The following MYOM2 variants were observed in gnomAD, a reference collection of about 807,000 sequenced individuals.
The protein encoded by MYOM2 is myomesin-2.
In MYOM2, 254 loss-of-function variants were observed where a neutral mutation model predicts 187.6. The observed-to-expected ratio is 1.35, with a 90% CI of 1.22 to 1.50. The LOEUF is 1.50. MYOM2 is among the 40% of genes most tolerant of loss of function. MYOM2 has a pLI of 0.00. For synonymous variants in MYOM2, 981 were observed against 753.8 expected (o/e 1.30, Z -4.94); for missense variants, 2,796 against 1,924.0 (o/e 1.45, Z -8.48).
intron 28 of MYOM2, among the ~76,000 whole-genome samples, chr8:2,120,673 T>TAG (rs1797402156): frequency 5.0e-5 from 1 of 20,082 alleles, no homozygotes; most frequent in Non-Finnish European, 1.0e-4. Flanking sequence ...TATATATATA[T>TAG]ATTATATTAT....
intron 8 of MYOM2, among the ~76,000 whole-genome samples, chr8:2,071,921 C>T (rs571514896): frequency 3.3e-5 from 5 of 152,268 alleles, no homozygotes; most frequent in South Asian, 4.1e-4. Flanking sequence ...GGGTCCCACT[C>T]TCACGATCTC....
intron 20 of MYOM2, among the ~76,000 whole-genome samples, chr8:2,101,687 A>C (rs1261937819): frequency 3.3e-5 from 5 of 152,200 alleles, no homozygotes; most frequent in Admixed American, 6.5e-5. Flanking sequence ...TTGTCTGTTC[A>C]TGGGCTATGT....
At position 2,059,075 on chromosome 8, in the gene MYOM2, C is replaced by T. The variant is rs1263161960; in HGVS notation, c.561-78C>T. Reference sequence around the variant, plus strand: ...AACCTGCAGAAATGGGCAGCAGGCGCGGGGGAGCTGGGGCAGAATTGCACA... The same window carrying T: ...AACCTGCAGAAATGGGCAGCAGGCGTGGGGGAGCTGGGGCAGAATTGCACA... On this transcript the variant is annotated intron_variant, in intron 5 of 36. Transcript: ENST00000262113. The T allele has an allele frequency of 1.5e-5, 19 of 1,226,834 alleles. No homozygotes were observed. The African/African-American group carries it at 1.8e-4, about 11-fold the overall frequency. 76.0% of individuals were successfully genotyped at this position (1,226,834 alleles called of 1,614,324 possible).
chr8:2,118,397 A>T (rs1797317383), intron 28 of MYOM2, among the ~76,000 whole-genome samples: 2 of 152,224 alleles, frequency 1.3e-5, no homozygotes, highest in South Asian at 4.1e-4. Flanking sequence ...CTGTTTTTTA[A>T]GCAGCAAATC....
intron 21 of MYOM2, 75 bp from the exon 22 acceptor site, chr8:2,106,167 T>G: frequency 6.7e-7 from 1 of 1,487,524 alleles, no homozygotes; most frequent in Non-Finnish European, 9.2e-7. Flanking sequence ...AGCCAAACCA[T>G]ATCACCCTCT....
chr8:2,132,976 C>T (rs1220004731), intron 32 of MYOM2, among the ~76,000 whole-genome samples: 5 of 152,106 alleles, frequency 3.3e-5, no homozygotes, highest in Non-Finnish European at 7.4e-5. Context: ...AGGGCTGGGG[C>T]GGTGACGGGA....
intron 13 of MYOM2, 173 bp from the exon 14 acceptor site, chr8:2,085,090 T>TG: frequency 1.5e-6 from 1 of 678,740 alleles, no homozygotes; most frequent in Non-Finnish European, 2.4e-6. Context: ...TGATCTTTAT[T>TG]GGTGCCTTAT....
At chr8:2,114,167 G>A (rs1041727303) in intron 25 of MYOM2, among the ~76,000 whole-genome samples, 1 of 152,236 alleles carries the variant, frequency 6.6e-6, no homozygotes, top group African/African-American at 2.4e-5. Flanking sequence ...CACTGTTGCA[G>A]AGAGGCCTGC....
In MYOM2 at chr8:2,069,139, C is replaced by A. The variant is rs1004938625; in HGVS notation, c.654-139C>A. The A allele has an allele frequency of 4.4e-5, 33 of 744,880 alleles. No homozygotes were observed. In the Middle Eastern group the frequency reaches 1.6e-3, roughly 35 times the overall value. The allele number at this position is 744,880 out of a possible 1,614,324, so 46.1% of individuals were successfully genotyped here. ...CTCACCTTTCCAAGGACAGAGCTGG[C>A]ATTGTTCTTGCACAAATCACTCATG... On this transcript the variant is annotated intron_variant, in intron 6 of 36. Coordinates refer to ENST00000262113, the MANE Select transcript of MYOM2 (RefSeq NM_003970.4).
intron 34 of MYOM2, among the ~76,000 whole-genome samples, chr8:2,142,162 C>G (rs545066383): frequency 7.4e-4 from 112 of 152,136 alleles, no homozygotes; most frequent in South Asian, 5.8e-3. Flanking sequence ...AGGGCATTTT[C>G]CACCTCAAAA....
intron 6 of MYOM2, among the ~76,000 whole-genome samples, chr8:2,060,620 G>C (rs1169328600): frequency 6.6e-6 from 1 of 152,186 alleles, no homozygotes; most frequent in East Asian, 1.9e-4. Context: ...CTGTTCTTCA[G>C]AGGAAAAGGT....
chr8:2,124,232 T>C lies in MYOM2; in HGVS notation c.3694+15T>C, dbSNP rs769611475. 9.3e-6 allele frequency: 15 copies of C among 1,608,370 alleles called. No individual in the cohort carries two copies. The African/African-American group carries it at 1.6e-4, about 17-fold the overall frequency. On this transcript the variant is annotated intron_variant, in intron 31 of 36. Coordinates refer to ENST00000262113, the MANE Select transcript of MYOM2 (RefSeq NM_003970.4). ...TAGAGTCTGTGGTAAGTAAATGCCTTTTAATTTTCAAGTCATTTGGGGTGC... is the reference window on the plus strand; with the variant it reads ...TAGAGTCTGTGGTAAGTAAATGCCTCTTAATTTTCAAGTCATTTGGGGTGC...
In MYOM2 at chr8:2,098,974, C is replaced by A. The variant is rs1796593046; in HGVS notation, c.2431C>A (p.Pro811Thr). ...CTTCAAGTGTGAGGCCTGGACCATG[C>A]CGGAGCCCGGTGAGTCGCTGCCCCC... The part of the protein sequence containing the change: ...EHFKCEAWTM[P>T]EPGPAYDLTF... Residue 811 changes from proline (P) to threonine (T), a missense_variant, in exon 19 of 37, where the codon CCG (proline) becomes ACG (threonine). Transcript: ENST00000262113. The A allele has an allele frequency of 1.9e-6, 3 of 1,603,334 alleles. No individual in the cohort carries two copies. Among genetic ancestry groups the A allele is most frequent in the South Asian group, 1.1e-5 (1 of 90,320 alleles).
At chr8:2,132,636 G>C (rs1180280722) in intron 32 of MYOM2, among the ~76,000 whole-genome samples, 1 of 152,060 alleles carries the variant, frequency 6.6e-6, no homozygotes, top group Non-Finnish European at 1.5e-5. Flanking sequence ...ACCCGGGCTG[G>C]AGAGCAGTGG....
chr8:2,062,882 G>A (rs139908452), intron 6 of MYOM2, among the ~76,000 whole-genome samples: 87 of 152,266 alleles, frequency 5.7e-4, no homozygotes, highest in Non-Finnish European at 9.7e-4. Context: ...AAAACGTTGC[G>A]TTGACATCGG....
chr8:2,050,579 A>G (rs1818449448), intron 1 of MYOM2, among the ~76,000 whole-genome samples, 176 bp from the exon 2 acceptor site: 2 of 152,240 alleles, frequency 1.3e-5, no homozygotes, highest in South Asian at 2.1e-4. Context: ...GGAAGTTAAT[A>G]GGCTTCCTGA....
chr8:2,123,252 G>C lies in MYOM2; in HGVS notation c.3454G>C (p.Val1152Leu). Residue 1152 changes from valine to leucine, a missense_variant and splice_region_variant, in exon 29 of 37, where the codon GTT becomes CTT. Transcript: ENST00000262113. ...EECEVRLVCK[V>L]ANTKKETVFK... Reference sequence around the variant, plus strand: ...TAAACTTAAGCTTTCTACCTCACAGGTTGCAAACACCAAGAAAGAAACCGT... The same window carrying C: ...TAAACTTAAGCTTTCTACCTCACAGCTTGCAAACACCAAGAAAGAAACCGT... The C allele has an allele frequency of 6.2e-7, 1 of 1,605,916 alleles. No individual in the cohort carries two copies. The highest frequency in any genetic ancestry group is 8.5e-7 in the Non-Finnish European group (1 of 1,175,054).
At chr8:2,097,218 T>A in intron 18 of MYOM2, 2 of 493,388 alleles carry the variant, frequency 4.1e-6, no homozygotes, top group South Asian at 1.7e-4. Context: ...TTATAATATA[T>A]GTTAATATTT....
At position 2,140,841 on chromosome 8, in the gene MYOM2, G is replaced by T. The variant is rs201508650; in HGVS notation, c.3919G>T (p.Asp1307Tyr). ...DKGKYTFEIF[D>Y]GKDNHQRSLD... ...AGGAAAATACACTTTTGAGATTTTC[G>T]ATGGCAAAGACAACCATCAACGCTC... The change falls in exon 33 of 37, where the codon GAT (aspartate) becomes TAT (tyrosine). Residue 1307 changes from aspartate to tyrosine, a missense_variant. By Grantham distance (160) the Asp-to-Tyr change is radical. Coordinates refer to ENST00000262113, the MANE Select transcript of MYOM2 (RefSeq NM_003970.4). 5 of 1,613,926 alleles carry T rather than the reference G, an allele frequency of 3.1e-6. No homozygotes were observed. Among genetic ancestry groups the T allele is most frequent in the Non-Finnish European group, 3.4e-6 (4 of 1,179,966 alleles).
Sources: allele counts gnomAD v4.1 joint callset (sites outside exome capture counted in the v4.1 genomes callset), GRCh38; gene constraint gnomAD v4.1.1; transcripts MANE v1.5; gene names NCBI Gene and HGNC (gene_info 2026-07-23, HGNC 2026-07-21).